MAPK10: variants seen among roughly 807,000 people sequenced by gnomAD.
The protein encoded by MAPK10 is JNK3 alpha protein kinase.
MAPK10 carries 25 observed loss-of-function variants against 59.3 expected under a neutral mutation model. The observed-to-expected ratio is 0.42, with a 90% CI of 0.31 to 0.59. MAPK10 has a LOEUF of 0.59. Among genes scored for constraint, MAPK10 ranks in the 20% least tolerant of loss-of-function variants. The pLI, the probability that MAPK10 is intolerant of heterozygous loss-of-function variation, is 0.15. For synonymous variants in MAPK10, 190 were observed against 200.5 expected (o/e 0.95, Z 0.44); for missense variants, 351 against 568.9 (o/e 0.62, Z 3.90).
At chr4:86,262,813 A>G (rs1210690083) in intron 2 of MAPK10, among the ~76,000 whole-genome samples, 1 of 152,048 alleles carries the variant, frequency 6.6e-6, no homozygotes, top group Non-Finnish European at 1.5e-5. Context: ...TCTCTGCCTA[A>G]CATCTTGTGC....
At chr4:86,078,271 C>G (rs907635202) in intron 9 of MAPK10, among the ~76,000 whole-genome samples, 7 of 152,234 alleles carry the variant, frequency 4.6e-5, no homozygotes, top group Admixed American at 3.3e-4. Context: ...TCAAATTCAC[C>G]AAAAGATTAT....
chr4:86,322,922 C>A (rs2095932324), intron 2 of MAPK10, among the ~76,000 whole-genome samples: 1 of 152,202 alleles, frequency 6.6e-6, no homozygotes, highest in African/African-American at 2.4e-5. Flanking sequence ...CGCCTGTAAT[C>A]CCAGGACTTT....
Position 86,015,322 on chromosome 4 carries a change from C to A in MAPK10, c.*1906G>T, listed in dbSNP as rs1335701926. Reference sequence around the variant, plus strand: ...TTGCTTGAAGAGAGAAAGAAAGTTCCCTATTATTATATTTAAGGCAGTTTT... The same window carrying A: ...TTGCTTGAAGAGAGAAAGAAAGTTCACTATTATTATATTTAAGGCAGTTTT... On this transcript the variant is annotated 3_prime_UTR_variant, in exon 14 of 14. Transcript: ENST00000641462. The A allele has an allele frequency of 6.6e-6, 1 of 152,088 alleles. No individual in the cohort carries two copies. Among genetic ancestry groups the A allele is most frequent in the Non-Finnish European group, 1.5e-5 (1 of 68,026 alleles). 9.4% of individuals were successfully genotyped at this position (152,088 alleles called of 1,614,324 possible).
At chr4:86,091,152 A>G (rs1005338123) in intron 9 of MAPK10, 5 of 151,906 alleles carry the variant, frequency 3.3e-5, no homozygotes, top group African/African-American at 7.2e-5. Flanking sequence ...CAAGTCCCCA[A>G]TAAATATTAT....
intron 11 of MAPK10, 87 bp downstream of exon 11, chr4:86,064,179 C>T: frequency 6.8e-7 from 1 of 1,479,598 alleles, no homozygotes; most frequent in East Asian, 2.3e-5. Flanking sequence ...ATCCATTGTG[C>T]ATTCTTTAGG....
At position 86,475,170 on chromosome 4, in the gene MAPK10, G is replaced by C. The variant is rs1226320938; in HGVS notation, c.-263+118740C>G. 4.6e-5 allele frequency among the ~76,000 whole-genome samples: 7 copies of C among 152,210 alleles called. No homozygotes were observed. In the East Asian group the frequency reaches 1.4e-3, roughly 29 times the overall value. ...CCACCTGCACCCAGGTGATTAAAAAGCTTTATTGCTCACACAAAGTCTGTT... is the reference window on the plus strand; with the variant it reads ...CCACCTGCACCCAGGTGATTAAAAACCTTTATTGCTCACACAAAGTCTGTT... On this transcript the variant is annotated intron_variant, in intron 1 of 4. Coordinates refer to the MAPK10 transcript ENST00000502302.
At chr4:86,225,732 T>C (rs940995702) in intron 2 of MAPK10, among the ~76,000 whole-genome samples, 3 of 152,192 alleles carry the variant, frequency 2.0e-5, no homozygotes, top group Admixed American at 6.5e-5. Context: ...TAGGTACTAA[T>C]AAAACATCAA....
At chr4:86,423,774 T>C (rs1280992601) in intron 1 of MAPK10, among the ~76,000 whole-genome samples, 4 of 79,362 alleles carry the variant, frequency 5.0e-5, no homozygotes, top group African/African-American at 6.9e-5. Flanking sequence ...TATATACATA[T>C]ATATATATAT....
chr4:86,333,361 T>G (rs1033461668), intron 2 of MAPK10, among the ~76,000 whole-genome samples: 2 of 152,138 alleles, frequency 1.3e-5, no homozygotes, highest in Admixed American at 1.3e-4. Flanking sequence ...TTCCCAGTCA[T>G]GAGGAGTTGA....
chr4:86,037,703 G>C (rs979985578), intron 11 of MAPK10, among the ~76,000 whole-genome samples: 1 of 152,182 alleles, frequency 6.6e-6, no homozygotes, highest in Admixed American at 6.5e-5. Context: ...AGAAAGTTCA[G>C]AGATTATCTA....
chr4:86,386,275 C>T (rs556134817), intron 1 of MAPK10, among the ~76,000 whole-genome samples: 1 of 152,330 alleles, frequency 6.6e-6, no homozygotes, highest in South Asian at 2.1e-4. Flanking sequence ...TGTCCATTTA[C>T]TCACTCTTCC....
intron 2 of MAPK10, among the ~76,000 whole-genome samples, chr4:86,219,171 G>A (rs2088761916): frequency 2.7e-5 from 4 of 148,592 alleles, no homozygotes; most frequent in Admixed American, 2.6e-4. Flanking sequence ...AAGAGATTGA[G>A]AGAGACAGAG....
At chr4:86,438,671 C>CA (rs1396523740) in intron 1 of MAPK10, among the ~76,000 whole-genome samples, 2 of 132,484 alleles carry the variant, frequency 1.5e-5, no homozygotes, top group African/African-American at 5.8e-5. Context: ...GCCTGGGTGA[C>CA]AAGAGCAAAA....
chr4:86,032,065 A>T (rs1224528254), intron 11 of MAPK10: 1 of 152,200 alleles, frequency 6.6e-6, no homozygotes, highest in East Asian at 1.9e-4. Flanking sequence ...AGCTGCCATG[A>T]CTGTAGAGGT....
chr4:86,225,662 G>A (rs577252444), intron 2 of MAPK10, among the ~76,000 whole-genome samples: 5 of 152,160 alleles, frequency 3.3e-5, no homozygotes, highest in South Asian at 2.1e-4. Context: ...ATATTTTATC[G>A]GTAACATAAC....
At chr4:86,376,356 T>A (rs777522805) in intron 1 of MAPK10, among the ~76,000 whole-genome samples, 1 of 152,212 alleles carries the variant, frequency 6.6e-6, no homozygotes, top group African/African-American at 2.4e-5. Flanking sequence ...GATGGAAATG[T>A]ACACATCATG....
intron 1 of MAPK10, among the ~76,000 whole-genome samples, chr4:86,426,862 A>G (rs1166210495): frequency 6.6e-6 from 1 of 152,210 alleles, no homozygotes; most frequent in Non-Finnish European, 1.5e-5. Context: ...TATTTAGCAC[A>G]TAAAAAGTAT....
At chr4:86,492,850 A>C (rs2149075833) in intron 1 of MAPK10, among the ~76,000 whole-genome samples, 1 of 152,338 alleles carries the variant, frequency 6.6e-6, no homozygotes, top group East Asian at 1.9e-4. Flanking sequence ...GAAGGCACCC[A>C]AAAACTGTAA....
intron 1 of MAPK10, among the ~76,000 whole-genome samples, chr4:86,568,073 G>A (rs1417051258): frequency 1.3e-5 from 2 of 152,074 alleles, no homozygotes; most frequent in Non-Finnish European, 2.9e-5. Flanking sequence ...AAGACTCCTA[G>A]ATTTAACAAA....
Sources: allele counts gnomAD v4.1 joint callset (sites outside exome capture counted in the v4.1 genomes callset), GRCh38; gene constraint gnomAD v4.1.1; transcripts MANE v1.5; gene names NCBI Gene and HGNC (gene_info 2026-07-23, HGNC 2026-07-21).